CLUH: variants seen among roughly 807,000 people sequenced by gnomAD.
The protein encoded by CLUH is clustered mitochondria protein homolog.
CLUH carries 77 observed loss-of-function variants against 139.3 expected under a neutral mutation model. That is an observed-to-expected ratio of 0.55 (90% CI 0.46 to 0.67). The LOEUF (loss-of-function observed/expected upper bound fraction) is 0.67. Among genes scored for constraint, CLUH ranks in the 30% least tolerant of loss-of-function variants. The pLI is 0.00. For missense variants in CLUH, 1,876 were observed against 1,875.8 expected (o/e 1.00, Z 0.00); for synonymous variants, 999 against 801.6 (o/e 1.25, Z -4.16).
At chr17:2,698,686 G>A (rs921098755) in intron 9 of CLUH, 96 bp from the exon 10 acceptor site, 10 of 1,180,798 alleles carry the variant, frequency 8.5e-6, no homozygotes, top group Non-Finnish European at 1.0e-5. Flanking sequence ...GGAGGCAACC[G>A]GGCCTGCCTT....
At chr17:2,693,056 C>A in intron 19 of CLUH, 196 bp from the exon 20 acceptor site, 1 of 451,972 alleles carries the variant, frequency 2.2e-6, no homozygotes, top group Non-Finnish European at 3.9e-6. Flanking sequence ...TCACGCTCCA[C>A]AGAGAGCTCC....
chr17:2,695,585 C>CCT lies in CLUH; in HGVS notation c.2392-61_2392-60dup, dbSNP rs1418509447. ...CTCCTCTGCCTCCACCCAACTGAGT[C>CCT]CTTCTGGGGGAGCACAGCTATCCTG... On this transcript the variant is annotated intron_variant, in intron 13 of 25. Coordinates refer to ENST00000651024, the MANE Select transcript of CLUH (RefSeq NM_001366661.1). 13 of 1,508,414 alleles carry CCT rather than the reference C, an allele frequency of 8.6e-6. No homozygotes were observed. The East Asian group carries it at 3.2e-4, about 37-fold the overall frequency. The allele number at this position is 1,508,414 out of a possible 1,614,324, so 93.4% of individuals were successfully genotyped here.
At chr17:2,705,054 C>G (rs2070311520) in intron 1 of CLUH, among the ~76,000 whole-genome samples, 1 of 152,100 alleles carries the variant, frequency 6.6e-6, no homozygotes, top group African/African-American at 2.4e-5. Context: ...ACCCCACCCC[C>G]TCCCATACAC....
rs770805106 is a variant in CLUH at position 2,691,647 on chromosome 17, C to G, written c.3825G>C (p.Gln1275His). 4 of 1,612,750 alleles carry G rather than the reference C, an allele frequency of 2.5e-6. No individual in the cohort carries two copies. Among genetic ancestry groups the G allele is most frequent in the Non-Finnish European group, 3.4e-6 (4 of 1,179,374 alleles). ...AGAGGATGCCGTTAATGACGTTCAG[C>G]TGCTCCAAGACGCTGGCCATGCTGG... ...TAPSMASVLEQLNVINGILFI... is the reference protein window; with the variant it reads ...TAPSMASVLEHLNVINGILFI... The change falls in exon 25 of 26, where the codon CAG becomes CAC. Residue 1275 changes from glutamine (Q) to histidine (H), a missense_variant. Coordinates refer to ENST00000651024, the MANE Select transcript of CLUH (RefSeq NM_001366661.1).
Position 2,692,065 on chromosome 17 carries a change from T to G in CLUH, c.3593A>C (p.Lys1198Thr). ...CTGCAGGGCCGACCGGAACTCAGCT[T>G]TGCTCTCGTAGACTCGGGCGACAAG... ...HHLVARVYES[K>T]AEFRSALQHE... The change falls in exon 23 of 26, where the codon AAA becomes ACA. Residue 1198 changes from lysine (K) to threonine (T), a missense_variant. This residue lies in a region of CLUH where 1,454 missense variants were observed against 1,384.4 expected (regional missense o/e 1.05). Coordinates refer to ENST00000651024, the MANE Select transcript of CLUH (RefSeq NM_001366661.1). 6.2e-7 allele frequency: 1 copy of G among 1,604,762 alleles called. No individual in the cohort carries two copies. Among genetic ancestry groups the G allele is most frequent in the Non-Finnish European group, 8.5e-7 (1 of 1,176,404 alleles).
intron 1 of CLUH, among the ~76,000 whole-genome samples, chr17:2,710,803 C>G (rs548742571): frequency 3.9e-5 from 6 of 152,312 alleles, no homozygotes; most frequent in African/African-American, 1.4e-4. Context: ...ACGACCTTTG[C>G]CTTAAAAACA....
In CLUH at chr17:2,693,741, G is replaced by A. The variant is rs560401699; in HGVS notation, c.3231+159C>T. 2.6e-5 allele frequency among the ~76,000 whole-genome samples: 4 copies of A among 152,272 alleles called. No individual in the cohort carries two copies. The South Asian group carries it at 6.2e-4, about 24-fold the overall frequency. On this transcript the variant is annotated intron_variant, in intron 19 of 25. Coordinates refer to ENST00000651024, the MANE Select transcript of CLUH (RefSeq NM_001366661.1). Reference sequence around the variant, plus strand: ...AGGGTGCTCCTGAGCTCTCCCGCTCGGGACACAGTTACAGAGGGGTGGAGC... The same window carrying A: ...AGGGTGCTCCTGAGCTCTCCCGCTCAGGACACAGTTACAGAGGGGTGGAGC...
In CLUH at chr17:2,690,412, C is replaced by T. The variant is rs1017528402; in HGVS notation, c.*182G>A. ...CTGCATCATCTATTCATTGAACCAGCGCAAAAACACCTTCTGCGGGGCAGG... is the reference window on the plus strand; with the variant it reads ...CTGCATCATCTATTCATTGAACCAGTGCAAAAACACCTTCTGCGGGGCAGG... On this transcript the variant is annotated 3_prime_UTR_variant, in exon 26 of 26. Transcript: ENST00000651024. 4 of 470,748 alleles carry T rather than the reference C, an allele frequency of 8.5e-6. No homozygotes were observed. The Admixed American group carries it at 1.3e-4, about 15-fold the overall frequency. The allele number at this position is 470,748 out of a possible 1,614,324, so 29.2% of individuals were successfully genotyped here. A position where few individuals can be genotyped will look rare whatever the true frequency, so the allele number is the denominator to read the frequency against.
chr17:2,691,799 A>T lies in CLUH; in HGVS notation c.3751T>A (p.Tyr1251Asn). 1 of 1,586,948 alleles carries T rather than the reference A, an allele frequency of 6.3e-7. No homozygotes were observed. The highest frequency in any genetic ancestry group is 8.6e-7 in the Non-Finnish European group (1 of 1,167,266). ...ATGTTGGCGCTGGAGCCGTTGCGGT[A>T]GATCTCGTTCATGGTGCGCTGCAGG... is the stretch of plus-strand genomic sequence containing the variant. ...VALQRTMNEIYRNGSSANIPP... is the reference protein window; with the variant it reads ...VALQRTMNEINRNGSSANIPP... The change falls in exon 24 of 26, where the codon TAC (tyrosine) becomes AAC (asparagine). Residue 1251 changes from tyrosine to asparagine, a missense_variant. Physicochemically the swap from Tyr to Asn is moderately radical, Grantham distance 143. Around this residue, in one of 3 missense-constraint regions of CLUH, gnomAD observed 1,454 missense variants for 1,384.4 expected, o/e 1.05. Transcript: ENST00000651024.
rs989418528 is a variant in CLUH at position 2,706,410 on chromosome 17, C to G, written c.101-1846G>C. On this transcript the variant is annotated intron_variant, in intron 1 of 25. Coordinates refer to ENST00000651024, the MANE Select transcript of CLUH (RefSeq NM_001366661.1). The surrounding 1 kb of genome is among the most constrained non-coding windows in gnomAD (Gnocchi z 4.6). ...AAGGTCAACCAAGTCAGAATGGGCC[C>G]CAGACTCCCTCCTGCAGCCCGCACC... is the stretch of plus-strand genomic sequence containing the variant. 6.6e-6 allele frequency among the ~76,000 whole-genome samples: 1 copy of G among 152,144 alleles called. No homozygotes were observed. The highest frequency in any genetic ancestry group is 2.4e-5 in the African/African-American group (1 of 41,420).
rs368503835 is a variant in CLUH, at chr17:2,697,898, G to A, written c.1959C>T (p.His653=). 1.3e-6 allele frequency: 2 copies of A among 1,498,944 alleles called. No individual in the cohort carries two copies. The highest frequency in any genetic ancestry group is 1.3e-5 in the South Asian group (1 of 76,732). 92.9% of individuals were successfully genotyped at this position (1,498,944 alleles called of 1,614,324 possible). The change falls in exon 10 of 26, where the codon CAC becomes CAT. Residue 653 remains histidine (H), a splice_region_variant and synonymous_variant. Coordinates refer to ENST00000651024, the MANE Select transcript of CLUH (RefSeq NM_001366661.1). ...GGTCCGGCAGGGCCGCCCCTCACCT[G>A]TGCTCCACGAAGGCGTCCACCAGCT... is the stretch of plus-strand genomic sequence containing the variant. ...RQELVDAFVE[H]RYLLFMKLAA...
chr17:2,691,012 C>A (rs2069603870), intron 25 of CLUH, among the ~76,000 whole-genome samples: 1 of 152,050 alleles, frequency 6.6e-6, no homozygotes, highest in African/African-American at 2.4e-5. Context: ...CTCCCTCCAG[C>A]GCAGGGGGAG....
chr17:2,707,326 C>G lies in CLUH; in HGVS notation c.101-2762G>C. On this transcript the variant is annotated intron_variant, in intron 1 of 25. Coordinates refer to ENST00000651024, the MANE Select transcript of CLUH (RefSeq NM_001366661.1). The surrounding 1 kb of genome is among the most constrained non-coding windows in gnomAD (Gnocchi z 7.4). ...CTTGCCCTAATGCAGCCAGTCGGCC[C>G]GGGGCTGGAGCTCCGGCTGGCTTCG... The G allele has an allele frequency of 2.0e-6, 2 of 985,376 alleles. No homozygotes were observed. The highest frequency in any genetic ancestry group is 2.4e-6 in the Non-Finnish European group (2 of 829,914). The allele number at this position is 985,376 out of a possible 1,614,324, so 61.0% of individuals were successfully genotyped here. A position where few individuals can be genotyped will look rare whatever the true frequency, so the allele number is the denominator to read the frequency against.
At position 2,691,975 on chromosome 17, in the gene CLUH, CCCGCCCCCGCCA is replaced by C. The variant is rs771744750; in HGVS notation, c.3654+17_3654+28del. Reference sequence around the variant, plus strand: ...CGCCCCGCCACGCCCCCGCCCCGCCCCCGCCCCCGCCACGCCCCCGCCGCGCACCTGCGTCTT... The same window carrying C: ...CGCCCCGCCACGCCCCCGCCCCGCCCCGCCCCCGCCGCGCACCTGCGTCTT... On this transcript the variant is annotated intron_variant, in intron 23 of 25. Transcript: ENST00000651024. 42,635 of 594,488 alleles carry C rather than the reference CCCGCCCCCGCCA, an allele frequency of 0.072. 3,332 individuals are homozygous for C. The highest frequency in any genetic ancestry group is 0.34 in the African/African-American group (10,562 of 31,410). 36.8% of individuals were successfully genotyped at this position (594,488 alleles called of 1,614,324 possible).
Position 2,700,681 on chromosome 17 carries a change from T to C in CLUH, c.1170A>G (p.Gly390=). 2.0e-6 allele frequency: 3 copies of C among 1,525,794 alleles called. No homozygotes were observed. The highest frequency in any genetic ancestry group is 2.6e-6 in the Non-Finnish European group (3 of 1,140,950). The allele number at this position is 1,525,794 out of a possible 1,614,324, so 94.5% of individuals were successfully genotyped here. The change falls in exon 8 of 26, where the codon GGA becomes GGG. Residue 390 remains glycine (G), a synonymous_variant. Transcript: ENST00000651024. Reference sequence around the variant, plus strand: ...GGCAGGGCCAGGTTGCAGGCACCTGTCCAGGAATGTGCTCCTCATAGCCCA... The same window carrying C: ...GGCAGGGCCAGGTTGCAGGCACCTGCCCAGGAATGTGCTCCTCATAGCCCA... The part of the protein sequence containing the change: ...SRLGYEEHIP[G]QTRDWNEELQ...
At chr17:2,695,822 G>A (rs1182739721) in intron 13 of CLUH, 11 of 580,262 alleles carry the variant, frequency 1.9e-5, no homozygotes, top group South Asian at 4.3e-5. Flanking sequence ...GGTGTTGGGG[G>A]AGCACCCAGC....
At chr17:2,692,883 G>T (rs758738668) in intron 19 of CLUH, 23 bp from the exon 20 acceptor site, 1 of 1,553,574 alleles carries the variant, frequency 6.4e-7, no homozygotes, top group Non-Finnish European at 8.7e-7. Context: ...AGTGGTGGTT[G>T]CCGCGGCGTG....
At chr17:2,702,139 G>A in intron 3 of CLUH, 82 bp from the exon 4 acceptor site, 1 of 1,516,352 alleles carries the variant, frequency 6.6e-7, no homozygotes, top group Non-Finnish European at 8.9e-7. Flanking sequence ...AGGTTTTGGA[G>A]GTGCTAACAC....
chr17:2,691,931 GC>G (rs1350729101), intron 23 of CLUH, 36 bp from the exon 24 acceptor site: 9 of 1,124,098 alleles, frequency 8.0e-6, no homozygotes, highest in Non-Finnish European at 8.9e-6. Context: ...GCCCCCCCGT[GC>G]CCCCGCGGCC....
Sources: allele counts gnomAD v4.1 joint callset (sites outside exome capture counted in the v4.1 genomes callset), GRCh38; gene constraint gnomAD v4.1.1; regional missense constraint gnomAD v4.1.1; non-coding constraint Gnocchi (gnomAD v3.1); transcripts MANE v1.5; gene names NCBI Gene and HGNC (gene_info 2026-07-23, HGNC 2026-07-21).